Variants in GSN observed in about 807,000 individuals in gnomAD.
GSN encodes the protein actin-depolymerizing factor.
Under a neutral mutation model 85.7 loss-of-function variants are expected in GSN, and 56 were observed. The ratio of observed to expected loss-of-function variants is 0.65; its 90% CI spans 0.53 to 0.82. The LOEUF is 0.82. Ranked by LOEUF, GSN falls within the 40% of genes least tolerant of loss-of-function variation. The probability of loss-of-function intolerance (pLI) is 0.00; values close to 1 mark genes in which losing one functional copy is unlikely to be tolerated. For synonymous variants in GSN, 373 were observed against 399.1 expected, an observed-to-expected ratio of 0.93 and a Z score of 0.78; for missense variants, 857 against 979.8, an observed-to-expected ratio of 0.87 and a Z score of 1.67.
rs941430037 is a variant in GSN, at chr9:121,246,721, G to A, written c.-388-1555G>A. 2.0e-5 allele frequency among the ~76,000 whole-genome samples: 3 copies of A among 152,118 alleles called. No homozygotes were observed. In the East Asian group the frequency reaches 5.8e-4, roughly 29 times the overall value. ...ATCACCACCCTCTCATTGCAGACCA[G>A]CTTCCTTCATTTTCCAGCCCACATC... On this transcript the variant is annotated intron_variant, in intron 5 of 24. Coordinates refer to the GSN transcript ENST00000373823.
intron 2 of GSN, among the ~76,000 whole-genome samples, chr9:121,296,707 C>G (rs567673650): frequency 6.6e-6 from 1 of 152,276 alleles, no homozygotes; most frequent in East Asian, 1.9e-4. Context: ...CCTGAATTCC[C>G]CCATTCCCTT....
intron 5 of GSN, among the ~76,000 whole-genome samples, chr9:121,245,598 C>T (rs1429440881): frequency 3.9e-5 from 6 of 152,114 alleles, no homozygotes; most frequent in African/African-American, 1.4e-4. Context: ...TGAGCTCAAG[C>T]GATGCTCCTG....
intron 7 of GSN, among the ~76,000 whole-genome samples, chr9:121,316,143 A>C (rs963846990): frequency 6.6e-6 from 1 of 152,186 alleles, no homozygotes; most frequent in Non-Finnish European, 1.5e-5. Flanking sequence ...TGCCAACTGG[A>C]TATTGTTAAA....
intron 6 of GSN, among the ~76,000 whole-genome samples, chr9:121,251,010 G>A (rs2054818900): frequency 1.3e-5 from 2 of 150,768 alleles, no homozygotes; most frequent in African/African-American, 2.4e-5. Flanking sequence ...TTTTTTTGTA[G>A]AGTTGGGGTT....
intron 1 of GSN, among the ~76,000 whole-genome samples, chr9:121,270,204 CG>C (rs1336336502): frequency 6.8e-6 from 1 of 147,072 alleles, no homozygotes; most frequent in Non-Finnish European, 1.5e-5. Context: ...GGGAGAAGGG[CG>C]GGGTGGTGGG....
At chr9:121,293,269 AGC>A (rs2058867284) in intron 2 of GSN, among the ~76,000 whole-genome samples, 2 of 152,148 alleles carry the variant, frequency 1.3e-5, no homozygotes, top group Admixed American at 1.3e-4. Flanking sequence ...TGTGTCTTTT[AGC>A]ATCCTTGAGT....
At chr9:121,306,267 T>A (rs2133315930) in intron 4 of GSN, among the ~76,000 whole-genome samples, 2 of 152,308 alleles carry the variant, frequency 1.3e-5, no homozygotes, top group South Asian at 4.2e-4. Flanking sequence ...CCTCCCTCTC[T>A]CCTATTCCTT....
intron 6 of GSN, among the ~76,000 whole-genome samples, chr9:121,250,740 T>C (rs2054807486): frequency 6.6e-6 from 1 of 151,924 alleles, no homozygotes; most frequent in Non-Finnish European, 1.5e-5. Context: ...GGTTTCACCA[T>C]GTTGGCCAGG....
chr9:121,312,185 AAAT>A, intron 5 of GSN, 151 bp from the exon 6 acceptor site: 2 of 759,284 alleles, frequency 2.6e-6, no homozygotes, highest in Admixed American at 3.9e-5. Flanking sequence ...AATTGTACGT[AAAT>A]AATGCACGTG....
At chr9:121,271,083 C>A (rs1334778356) in intron 1 of GSN, among the ~76,000 whole-genome samples, 1 of 152,152 alleles carries the variant, frequency 6.6e-6, no homozygotes, top group African/African-American at 2.4e-5. Context: ...AAAAAGCTAT[C>A]TTTTAACTGG....
At chr9:121,293,599 A>T (rs2058910346) in intron 2 of GSN, among the ~76,000 whole-genome samples, 1 of 151,650 alleles carries the variant, frequency 6.6e-6, no homozygotes, top group South Asian at 2.1e-4. Context: ...AAATACAAAA[A>T]TTAGCCAGAA....
upstream of GSN, among the ~76,000 whole-genome samples, chr9:121,264,440 T>A (rs60234684): frequency 0.22 from 33,506 of 151,920 alleles, 4,199 homozygotes; most frequent in African/African-American, 0.35. Context: ...GACAGTGAAA[T>A]CTTGTCTCAA....
chr9:121,251,264 C>T (rs968843738), intron 6 of GSN, among the ~76,000 whole-genome samples: 2 of 134,456 alleles, frequency 1.5e-5, no homozygotes, highest in African/African-American at 5.8e-5. Flanking sequence ...TCACTGCAAC[C>T]TCCGTCTCCC....
At chr9:121,271,115 G>A (rs1312131622) in intron 1 of GSN, among the ~76,000 whole-genome samples, 1 of 152,202 alleles carries the variant, frequency 6.6e-6, no homozygotes, top group Non-Finnish European at 1.5e-5. Flanking sequence ...CACACCTGCA[G>A]TTCCAGCATT....
chr9:121,289,078 A>G (rs1431808002), intron 2 of GSN, among the ~76,000 whole-genome samples: 1 of 152,152 alleles, frequency 6.6e-6, no homozygotes, highest in East Asian at 1.9e-4. Flanking sequence ...CTTTGTCATC[A>G]GGGATCCTCC....
At chr9:121,311,110 A>G (rs190633583) in intron 5 of GSN, 10 of 510,148 alleles carry the variant, frequency 2.0e-5, no homozygotes, top group South Asian at 1.9e-4. Context: ...CCTTTTTCAC[A>G]TGCTTATAAA....
intron 5 of GSN, among the ~76,000 whole-genome samples, chr9:121,235,054 A>C (rs963217451): frequency 3.3e-5 from 5 of 152,134 alleles, no homozygotes; most frequent in Admixed American, 2.0e-4. Context: ...GGAATTCTCC[A>C]AGTTCTCTCG....
rs2063535171 is a variant in GSN, at chr9:121,328,734, C to T, written c.1763-157C>T. On this transcript the variant is annotated intron_variant, in intron 14 of 17. Transcript: ENST00000432226. The stretch of plus-strand genomic sequence containing the variant: ...CTATTTCGTCACCTTCCAATTCCCT[C>T]AGGCCTCTTCCCTCTGGATCTCCTG... 4 of 795,592 alleles carry T rather than the reference C, an allele frequency of 5.0e-6. No individual in the cohort carries two copies. In the East Asian group the frequency reaches 1.0e-4, roughly 20 times the overall value. 49.3% of individuals were successfully genotyped at this position (795,592 alleles called of 1,614,324 possible).
intron 6 of GSN, among the ~76,000 whole-genome samples, chr9:121,255,525 C>A (rs944130716): frequency 6.6e-6 from 1 of 152,194 alleles, no homozygotes; most frequent in African/African-American, 2.4e-5. Context: ...CATAAGCCAC[C>A]ATGCCTAGCT....
Sources: gnomAD v4.1 joint callset for allele counts (sites outside exome capture counted in the v4.1 genomes callset) on GRCh38, gnomAD v4.1.1 for gene constraint, MANE v1.5 for transcripts, NCBI Gene and HGNC (gene_info 2026-07-23, HGNC 2026-07-21) for gene names.